UBR3: variants seen among roughly 807,000 people sequenced by gnomAD.
UBR3 encodes ubiquitin protein ligase E3 component n-recognin 3.
UBR3 carries 85 observed loss-of-function variants against 243.2 expected under a neutral mutation model. The observed-to-expected ratio is 0.35, with a 90% CI of 0.29 to 0.42. The LOEUF is 0.42. UBR3 is among the 10% of genes least tolerant of loss of function. UBR3 has a pLI of 1.00. For synonymous variants in UBR3, 748 were observed against 799.8 expected (o/e 0.94, Z 1.09); for missense variants, 1,686 against 2,300.8 (o/e 0.73, Z 5.47).
At chr2:169,894,320 A>AAG (rs1238812496) in intron 6 of UBR3, among the ~76,000 whole-genome samples, 14 of 46,100 alleles carry the variant, frequency 3.0e-4, no homozygotes, top group Non-Finnish European at 6.3e-4. Context: ...CCTGACTCTT[A>AAG]AGAAAAAAAA....
chr2:170,076,140 A>G (rs866097166), intron 36 of UBR3, among the ~76,000 whole-genome samples: 23 of 152,302 alleles, frequency 1.5e-4, no homozygotes, highest in African/African-American at 5.1e-4. Flanking sequence ...TAACTGTTGT[A>G]ATACATATAC....
intron 3 of UBR3, 134 bp downstream of exon 3, chr2:169,876,083 T>TA: frequency 3.2e-4 from 236 of 743,192 alleles, no homozygotes; most frequent in Non-Finnish European, 4.1e-4. Context: ...TAAGAGAACT[T>TA]CTTTTTTTTT....
rs1443206111 is a variant in UBR3, at chr2:170,056,033, A to G, written c.4785+449A>G. On this transcript the variant is annotated intron_variant, in intron 33 of 38. Coordinates refer to ENST00000272793, the MANE Select transcript of UBR3 (RefSeq NM_172070.4). Reference sequence around the variant, plus strand: ...TTTTTTTTTTTTTTTTTTGTGGCAGACTCTCTGTCTGTCACCTAGGCTGGA... The same window carrying G: ...TTTTTTTTTTTTTTTTTTGTGGCAGGCTCTCTGTCTGTCACCTAGGCTGGA... Among the ~76,000 whole-genome samples, 16 of 123,370 alleles carry G rather than the reference A, an allele frequency of 1.3e-4. 1 individual carries two copies. Among genetic ancestry groups the G allele is most frequent in the Non-Finnish European group, 1.6e-4 (10 of 61,818 alleles). 80.9% of individuals were successfully genotyped at this position (123,370 alleles called of 152,430 possible). A position where few individuals can be genotyped will look rare whatever the true frequency, so the allele number is the denominator to read the frequency against.
intron 32 of UBR3, among the ~76,000 whole-genome samples, chr2:170,050,790 T>C (rs1559218544): frequency 6.6e-6 from 1 of 152,316 alleles, no homozygotes; most frequent in East Asian, 1.9e-4. Context: ...ATGTTGGTGT[T>C]ACACATGGCA....
intron 4 of UBR3, 48 bp downstream of exon 4, chr2:169,877,685 A>G (rs530830272): frequency 2.9e-5 from 43 of 1,483,862 alleles, no homozygotes; most frequent in Middle Eastern, 3.4e-4. Flanking sequence ...TCTGTATTAA[A>G]ACCAAAAAAA....
intron 29 of UBR3, among the ~76,000 whole-genome samples, chr2:170,012,470 CATCA>C (rs1308713688): frequency 2.6e-5 from 4 of 152,092 alleles, no homozygotes; most frequent in African/African-American, 7.2e-5. Context: ...ACTAATATAA[CATCA>C]ATCTATATAA....
At chr2:169,869,545 C>T (rs1032017860) in intron 1 of UBR3, among the ~76,000 whole-genome samples, 4 of 151,990 alleles carry the variant, frequency 2.6e-5, no homozygotes, top group African/African-American at 7.3e-5. Context: ...ATGTAATAGT[C>T]AGATATTTTT....
intron 30 of UBR3, among the ~76,000 whole-genome samples, chr2:170,023,886 A>AT (rs1350033192): frequency 6.7e-6 from 1 of 150,222 alleles, no homozygotes. Context: ...TAATTTTTGT[A>AT]TTTTTTAGTA....
intron 1 of UBR3, among the ~76,000 whole-genome samples, chr2:169,871,784 A>G (rs2105309713): frequency 6.6e-6 from 1 of 151,646 alleles, no homozygotes; most frequent in Admixed American, 6.6e-5. Context: ...GAAGGAATGT[A>G]TACACTTCAG....
chr2:170,046,151 G>C (rs1182605834), intron 32 of UBR3, among the ~76,000 whole-genome samples: 1 of 152,044 alleles, frequency 6.6e-6, no homozygotes, highest in Non-Finnish European at 1.5e-5. Context: ...ATTTTTAGTA[G>C]AGACAGGGTT....
chr2:169,927,573 CTGT>C (rs2085954623), intron 17 of UBR3, among the ~76,000 whole-genome samples, 168 bp downstream of exon 17: 1 of 63,124 alleles, frequency 1.6e-5, no homozygotes, highest in African/African-American at 3.9e-5. Flanking sequence ...AGCCTGGTGA[CTGT>C]TTTTTTTTTT....
chr2:169,909,711 A>ATACC lies in UBR3; in HGVS notation c.1779+3548_1779+3551dup, dbSNP rs1435805389. Among the ~76,000 whole-genome samples the ATACC allele has an allele frequency of 7.3e-5, 11 of 150,374 alleles. No individual in the cohort carries two copies. The East Asian group carries it at 1.8e-3, about 24-fold the overall frequency. ...TGATGGATATGTTAATTAGCTTGAT[A>ATACC]TACCCATCCCACAATGCATGTGTGT... is the stretch of plus-strand genomic sequence containing the variant. On this transcript the variant is annotated intron_variant, in intron 10 of 38. Coordinates refer to ENST00000272793, the MANE Select transcript of UBR3 (RefSeq NM_172070.4).
chr2:169,951,904 C>A (rs1484313345), intron 23 of UBR3, among the ~76,000 whole-genome samples: 2 of 152,082 alleles, frequency 1.3e-5, no homozygotes, highest in Non-Finnish European at 2.9e-5. Context: ...TGATTTCTGA[C>A]TTGAATAATG....
At chr2:169,936,193 G>A (rs1399075500) in intron 19 of UBR3, among the ~76,000 whole-genome samples, 1 of 152,046 alleles carries the variant, frequency 6.6e-6, no homozygotes, top group African/African-American at 2.4e-5. Flanking sequence ...CCTAGTAGCT[G>A]GGATTACAGG....
chr2:169,830,172 A>G (rs933201471), intron 1 of UBR3, among the ~76,000 whole-genome samples: 2 of 151,674 alleles, frequency 1.3e-5, no homozygotes, highest in African/African-American at 4.8e-5. Flanking sequence ...TTCTTGATTT[A>G]ATGTCTCTTC....
chr2:169,954,570 CTTTT>C (rs572929851), intron 23 of UBR3, among the ~76,000 whole-genome samples: 1 of 130,054 alleles, frequency 7.7e-6, no homozygotes, highest in Non-Finnish European at 1.6e-5. Flanking sequence ...TGTTACTTAC[CTTTT>C]TTTTTTTTTT....
intron 32 of UBR3, among the ~76,000 whole-genome samples, chr2:170,049,153 A>AT (rs1249819551): frequency 6.6e-6 from 1 of 152,218 alleles, no homozygotes; most frequent in East Asian, 1.9e-4. Flanking sequence ...CTAATAGCCT[A>AT]TTGCTGACCA....
At position 169,909,691 on chromosome 2, in the gene UBR3, G is replaced by T. The variant is rs1196300477; in HGVS notation, c.1779+3527G>T. ...AAAATGATAAATGTCTGAGGTGATGGATATGTTAATTAGCTTGATATACCC... is the reference window on the plus strand; with the variant it reads ...AAAATGATAAATGTCTGAGGTGATGTATATGTTAATTAGCTTGATATACCC... On this transcript the variant is annotated intron_variant, in intron 10 of 38. Transcript: ENST00000272793. Among the ~76,000 whole-genome samples the T allele has an allele frequency of 3.9e-5, 6 of 151,930 alleles. No individual in the cohort carries two copies. In the South Asian group the frequency reaches 6.2e-4, roughly 16 times the overall value.
chr2:169,862,214 A>G (rs536494954), intron 1 of UBR3, among the ~76,000 whole-genome samples: 1 of 150,408 alleles, frequency 6.6e-6, no homozygotes, highest in East Asian at 1.9e-4. Context: ...GTTTTCATAA[A>G]TTTTTTTTTT....
Sources: allele counts gnomAD v4.1 joint callset (sites outside exome capture counted in the v4.1 genomes callset), GRCh38; gene constraint gnomAD v4.1.1; transcripts MANE v1.5; gene names NCBI Gene and HGNC (gene_info 2026-07-23, HGNC 2026-07-21).